Variants in PRKCB observed in about 807,000 individuals in gnomAD.
PRKCB encodes the protein protein kinase C beta type.
A neutral mutation model predicts 81.5 loss-of-function variants in PRKCB; 13 were observed. The ratio of observed to expected loss-of-function variants is 0.16; its 90% confidence interval spans 0.10 to 0.25. The LOEUF (loss-of-function observed/expected upper bound fraction) is 0.25. Among genes scored for constraint, PRKCB ranks in the 10% least tolerant of loss-of-function variants. PRKCB has a pLI of 1.00. For synonymous variants in PRKCB, 335 were observed against 321.4 expected, an observed-to-expected ratio of 1.04 and a Z score of -0.45; for missense variants, 509 against 875.7, an observed-to-expected ratio of 0.58 and a Z score of 5.29.
intron 2 of PRKCB, among the ~76,000 whole-genome samples, chr16:23,929,086 G>A (rs1239542357): frequency 1.3e-5 from 2 of 152,040 alleles, no homozygotes; most frequent in Non-Finnish European, 2.9e-5. Flanking sequence ...TTGGAGATGG[G>A]GAAGGGCAGA....
intron 5 of PRKCB, among the ~76,000 whole-genome samples, chr16:24,047,409 T>A (rs910516158): frequency 2.0e-5 from 3 of 152,090 alleles, no homozygotes; most frequent in Non-Finnish European, 4.4e-5. Context: ...CATGCACCTG[T>A]AGTCCCAGCT....
chr16:23,870,899 G>C (rs1275062535), intron 2 of PRKCB, among the ~76,000 whole-genome samples: 1 of 152,272 alleles, frequency 6.6e-6, no homozygotes, highest in East Asian at 1.9e-4. Context: ...AGGTTATCTG[G>C]GGCCTGATTG....
At chr16:23,911,669 T>A (rs527864910) in intron 2 of PRKCB, among the ~76,000 whole-genome samples, 1 of 152,168 alleles carries the variant, frequency 6.6e-6, no homozygotes, top group East Asian at 1.9e-4. Flanking sequence ...GGACATGACC[T>A]CCTCCATCAA....
intron 7 of PRKCB, among the ~76,000 whole-genome samples, 166 bp downstream of exon 7, chr16:24,094,463 A>G (rs1028807030): frequency 6.6e-6 from 1 of 152,180 alleles, no homozygotes; most frequent in African/African-American, 2.4e-5. Context: ...TGGTCCTTGT[A>G]CTAAAAACAA....
At chr16:23,837,342 C>G (rs776139953) in intron 1 of PRKCB, 33 bp from the exon 2 acceptor site, 1 of 1,613,168 alleles carries the variant, frequency 6.2e-7, no homozygotes, top group South Asian at 1.1e-5. Flanking sequence ...GCCCCCCGGG[C>G]TGCCTGACAT....
At chr16:24,146,223 T>C (rs1204039552) in intron 9 of PRKCB, among the ~76,000 whole-genome samples, 1 of 152,176 alleles carries the variant, frequency 6.6e-6, no homozygotes, top group Non-Finnish European at 1.5e-5. Flanking sequence ...ATTTGGGACT[T>C]CCAGCCTCCA....
chr16:24,003,774 C>G (rs1965074062), intron 3 of PRKCB, among the ~76,000 whole-genome samples: 1 of 152,182 alleles, frequency 6.6e-6, no homozygotes, highest in African/African-American at 2.4e-5. Context: ...TAACCTCAGA[C>G]CTGGATCCCA....
chr16:23,973,315 G>GATTACTT (rs1964582724), intron 2 of PRKCB, among the ~76,000 whole-genome samples: 1 of 152,090 alleles, frequency 6.6e-6, no homozygotes. Context: ...CCAAGTAGCT[G>GATTACTT]GGATTACAAG....
chr16:24,155,702 T>G (rs1335766897), intron 10 of PRKCB, among the ~76,000 whole-genome samples: 2 of 152,236 alleles, frequency 1.3e-5, no homozygotes, highest in African/African-American at 4.8e-5. Flanking sequence ...GATGGGACAC[T>G]ACAGTACTTT....
At chr16:24,128,375 A>AAACAAC (rs61430133) in intron 9 of PRKCB, among the ~76,000 whole-genome samples, 10,467 of 151,998 alleles carry the variant, frequency 0.069, 1,036 homozygotes, top group African/African-American at 0.22. Context: ...ACACTGTCTC[A>AAACAAC]AACAACAACA....
intron 2 of PRKCB, among the ~76,000 whole-genome samples, chr16:23,889,132 A>G (rs1356973623): frequency 7.9e-6 from 1 of 127,250 alleles, no homozygotes; most frequent in African/African-American, 5.1e-5. Context: ...CCATCCATCC[A>G]TCCATCCATC....
At chr16:23,922,898 G>C (rs1206597691) in intron 2 of PRKCB, among the ~76,000 whole-genome samples, 1 of 150,572 alleles carries the variant, frequency 6.6e-6, no homozygotes, top group East Asian at 1.9e-4. Context: ...ATTTAATTTA[G>C]GTAGCCAGTG....
At chr16:23,955,425 C>G (rs1168636012) in intron 2 of PRKCB, among the ~76,000 whole-genome samples, 3 of 152,142 alleles carry the variant, frequency 2.0e-5, no homozygotes, top group Non-Finnish European at 4.4e-5. Context: ...TTCCAGCCTT[C>G]CTTTCTGATA....
intron 16 of PRKCB, among the ~76,000 whole-genome samples, chr16:24,192,321 C>T (rs960363639): frequency 1.3e-5 from 2 of 152,152 alleles, no homozygotes; most frequent in Non-Finnish European, 2.9e-5. Flanking sequence ...ATTAATGTCC[C>T]GGTGTAGAGT....
At chr16:23,838,732 G>C (rs939688147) in intron 2 of PRKCB, among the ~76,000 whole-genome samples, 1 of 152,172 alleles carries the variant, frequency 6.6e-6, no homozygotes, top group Non-Finnish European at 1.5e-5. Flanking sequence ...ATGTTTGCTT[G>C]CTGGCAGCAT....
At chr16:24,023,829 C>A (rs959967355) in intron 3 of PRKCB, among the ~76,000 whole-genome samples, 16 of 152,212 alleles carry the variant, frequency 1.1e-4, no homozygotes, top group African/African-American at 2.9e-4. Flanking sequence ...TCCTACCACA[C>A]CCCCTCCATG....
intron 2 of PRKCB, among the ~76,000 whole-genome samples, chr16:23,850,870 T>C (rs1274951385): frequency 6.6e-6 from 1 of 152,206 alleles, no homozygotes; most frequent in Non-Finnish European, 1.5e-5. Flanking sequence ...CCCTAGTGCT[T>C]AGTGTGCTGA....
chr16:24,008,606 C>T (rs866007496), intron 3 of PRKCB, among the ~76,000 whole-genome samples: 2 of 152,278 alleles, frequency 1.3e-5, no homozygotes, highest in Middle Eastern at 6.8e-3. Flanking sequence ...CTCTACACGT[C>T]CCTCCCCATC....
In PRKCB at chr16:24,218,741, C is replaced by A. The variant is rs1438335188; in HGVS notation, c.*3925C>A. ...ACGCTAATGAGTCAGTGAATCCTTA[C>A]CGACCCCCTGGCCTTTATAATCTGA... On this transcript the variant is annotated 3_prime_UTR_variant, in exon 17 of 17. Transcript: ENST00000643927. 1 of 985,356 alleles carries A rather than the reference C, an allele frequency of 1.0e-6. No individual in the cohort carries two copies. Among genetic ancestry groups the A allele is most frequent in the African/African-American group, 1.7e-5 (1 of 57,218 alleles). 61.0% of individuals were successfully genotyped at this position (985,356 alleles called of 1,614,324 possible). A position where few individuals can be genotyped will look rare whatever the true frequency, so the allele number is the denominator to read the frequency against.
Sources: gnomAD v4.1 joint callset for allele counts (sites outside exome capture counted in the v4.1 genomes callset) on GRCh38, gnomAD v4.1.1 for gene constraint, MANE v1.5 for transcripts, NCBI Gene and HGNC (gene_info 2026-07-23, HGNC 2026-07-21) for gene names.